SPDYC: variants seen among roughly 807,000 people sequenced by gnomAD.
The protein encoded by SPDYC is speedy/RINGO cell cycle regulator family member C.
Under a neutral mutation model 33.9 loss-of-function variants are expected in SPDYC, and 25 were observed. The ratio of observed to expected loss-of-function variants is 0.74; its 90% confidence interval spans 0.54 to 1.03. The LOEUF (loss-of-function observed/expected upper bound fraction) is 1.03. Among genes scored for constraint, SPDYC ranks in the 50% least tolerant of loss-of-function variants. The pLI is 0.00. For synonymous variants in SPDYC, 133 were observed against 140.2 expected (o/e 0.95, Z 0.36); for missense variants, 349 against 382.9 (o/e 0.91, Z 0.74).
intron 3 of SPDYC, 35 bp from the exon 4 acceptor site, chr11:65,172,211 A>C: frequency 6.2e-7 from 1 of 1,612,700 alleles, no homozygotes; most frequent in Non-Finnish European, 8.5e-7. Context: ...CTCCTCAGAG[A>C]ATAACTAACC....
At chr11:65,172,198 C>T (rs777489355) in intron 3 of SPDYC, 48 bp from the exon 4 acceptor site, 3 of 1,608,016 alleles carry the variant, frequency 1.9e-6, no homozygotes, top group Non-Finnish European at 2.6e-6. Context: ...GTGCAAGCCC[C>T]TCCTCCTCAG....
chr11:65,170,726 A>T (rs1948421787), intron 1 of SPDYC, among the ~76,000 whole-genome samples: 1 of 152,106 alleles, frequency 6.6e-6, no homozygotes, highest in Non-Finnish European at 1.5e-5. Flanking sequence ...AATACAAAAA[A>T]AATTAGCCGG....
chr11:65,171,462 C>T (rs375979975), exon 2 of SPDYC: 3 of 1,595,102 alleles, frequency 1.9e-6, no homozygotes, highest in Non-Finnish European at 2.6e-6. Flanking sequence ...TCCGTTTTCG[C>T]CAGCACCAGG....
At position 65,170,372 on chromosome 11, in the gene SPDYC, TTC is replaced by T. The variant is rs958980581; in HGVS notation, c.26+120_26+121del. 18 of 1,145,574 alleles carry T rather than the reference TTC, an allele frequency of 1.6e-5. 1 individual carries two copies. Among genetic ancestry groups the T allele is most frequent in the Middle Eastern group, 2.1e-4 (1 of 4,708 alleles). The allele number at this position is 1,145,574 out of a possible 1,614,324, so 71.0% of individuals were successfully genotyped here. A position where few individuals can be genotyped will look rare whatever the true frequency, so the allele number is the denominator to read the frequency against. On this transcript the variant is annotated intron_variant, in intron 1 of 6. Transcript: ENST00000377185. ...CGTTCTCCTCGGCCCCGTGGTTGGC[TTC>T]TCTCTCTCAGGGATGAGGGTGGGTT...
chr11:65,170,306 A>G (rs762950516), intron 1 of SPDYC, 45 bp downstream of exon 1: 4 of 1,547,356 alleles, frequency 2.6e-6, no homozygotes. Flanking sequence ...GCGGGCGCCT[A>G]GATGGAGGGG....
intron 5 of SPDYC, 32 bp from the exon 6 acceptor site, chr11:65,172,652 A>G: frequency 1.3e-6 from 2 of 1,564,170 alleles, no homozygotes; most frequent in Non-Finnish European, 1.7e-6. Context: ...TGGGGTTCCC[A>G]CCCCATTTAC....
chr11:65,171,419 G>A (rs1243466542), exon 2 of SPDYC: 15 of 1,606,150 alleles, frequency 9.3e-6, no homozygotes, highest in Non-Finnish European at 1.2e-5. Flanking sequence ...GAGCTGGGGG[G>A]CTGCAGCCGG....
chr11:65,171,844 G>A lies in SPDYC; in HGVS notation c.200-99G>A, dbSNP rs559300459. 1.4e-5 allele frequency: 14 copies of A among 1,004,842 alleles called. No individual in the cohort carries two copies. In the East Asian group the frequency reaches 3.3e-4, roughly 24 times the overall value. The allele number at this position is 1,004,842 out of a possible 1,614,324, so 62.2% of individuals were successfully genotyped here. A position where few individuals can be genotyped will look rare whatever the true frequency, so the allele number is the denominator to read the frequency against. ...AAAGGGAGAAAAAGAGAAAGAGAGA[G>A]AGGGTTCAGTGGTGGCTTGGGCTTT... On this transcript the variant is annotated intron_variant, in intron 2 of 6. Transcript: ENST00000377185.
intron 2 of SPDYC, 130 bp from the exon 3 acceptor site, chr11:65,171,813 A>G (rs1273616428): frequency 1.6e-5 from 13 of 816,234 alleles, no homozygotes; most frequent in Non-Finnish European, 2.0e-5. Flanking sequence ...AGAGAGAGAA[A>G]GAGAAAAAGG....
At chr11:65,171,540 A>G (rs914388267) in intron 2 of SPDYC, 41 bp downstream of exon 2, 3 of 1,481,500 alleles carry the variant, frequency 2.0e-6, no homozygotes, top group African/African-American at 2.9e-5. Context: ...CGTGAGGTCA[A>G]GTGTGAAAGC....
intron 4 of SPDYC, 34 bp downstream of exon 4, chr11:65,172,365 C>T: frequency 6.2e-7 from 1 of 1,614,066 alleles, no homozygotes; most frequent in Non-Finnish European, 8.5e-7. Flanking sequence ...GAGGCATTTG[C>T]TGGAGGTGTC....
At chr11:65,173,193 G>C (rs748087964) in exon 7 of SPDYC, 4 of 1,613,968 alleles carry the variant, frequency 2.5e-6, no homozygotes, top group Non-Finnish European at 3.4e-6. Context: ...TCTTCCCAAA[G>C]CCTCCGGCAC....
At chr11:65,173,128 TC>T (rs1322739188) in intron 6 of SPDYC, 54 bp from the exon 7 acceptor site, 1 of 1,608,738 alleles carries the variant, frequency 6.2e-7, no homozygotes, top group African/African-American at 1.3e-5. Context: ...GTGCTGCCCC[TC>T]CCGTGTGAGC....
At chr11:65,173,057 C>G in intron 6 of SPDYC, 43 bp downstream of exon 6, 1 of 1,602,076 alleles carries the variant, frequency 6.2e-7, no homozygotes, top group South Asian at 1.1e-5. Context: ...GGTGTGGGAG[C>G]TTGGGAGGCA....
intron 1 of SPDYC, among the ~76,000 whole-genome samples, chr11:65,170,978 G>T (rs931906674): frequency 1.3e-5 from 2 of 152,114 alleles, no homozygotes; most frequent in African/African-American, 4.8e-5. Context: ...CAGTTTCCTC[G>T]TTTGACGACC....
exon 5 of SPDYC, chr11:65,172,589 G>A (rs147348885): frequency 1.3e-4 from 203 of 1,552,538 alleles, no homozygotes; most frequent in South Asian, 2.6e-4. Context: ...GTTGTGAGCC[G>A]CCAGTGCTGT....
At chr11:65,172,134 T>TG (rs1948442438) in intron 3 of SPDYC, 112 bp from the exon 4 acceptor site, 1 of 1,508,058 alleles carries the variant, frequency 6.6e-7, no homozygotes, top group Admixed American at 1.7e-5. Flanking sequence ...TTCCCACCAT[T>TG]TTACTGACTT....
At chr11:65,171,522 G>T (rs765501195) in intron 2 of SPDYC, 23 bp downstream of exon 2, 4 of 1,524,862 alleles carry the variant, frequency 2.6e-6, no homozygotes, top group African/African-American at 2.8e-5. Flanking sequence ...GGCTGGCACG[G>T]GAGGGGCCGT....
intron 1 of SPDYC, 131 bp downstream of exon 1, chr11:65,170,392 G>C (rs1948418950): frequency 1.2e-6 from 1 of 857,012 alleles, no homozygotes; most frequent in African/African-American, 1.7e-5. Flanking sequence ...CAGGGATGAG[G>C]GTGGGTTTAG....
Sources: gnomAD v4.1 joint callset for allele counts (sites outside exome capture counted in the v4.1 genomes callset) on GRCh38, gnomAD v4.1.1 for gene constraint, MANE v1.5 for transcripts, NCBI Gene and HGNC (gene_info 2026-07-23, HGNC 2026-07-21) for gene names.